Variants in EYA2 observed in about 807,000 individuals in gnomAD.
EYA2 encodes the protein EYA transcriptional coactivator and phosphatase 2.
In EYA2, 31 loss-of-function variants were observed where a neutral mutation model predicts 69.2. The observed-to-expected ratio is 0.45, with a 90% CI of 0.34 to 0.60. The LOEUF (loss-of-function observed/expected upper bound fraction) is 0.60, where lower values mean the gene tolerates loss of function less well. EYA2 is among the 20% of genes least tolerant of loss of function. The pLI is 0.02. For missense variants in EYA2, 622 were observed against 701.2 expected (o/e 0.89, Z 1.28); for synonymous variants, 257 against 279.4 (o/e 0.92, Z 0.80).
rs573894684 is a variant in EYA2 at position 47,019,194 on chromosome 20, C to T, written c.415+2897C>T. Among the ~76,000 whole-genome samples the T allele has an allele frequency of 4.6e-5, 7 of 152,302 alleles. No individual in the cohort carries two copies. The South Asian group carries it at 1.5e-3, about 32-fold the overall frequency. The stretch of plus-strand genomic sequence containing the variant: ...GGTGAGCCTAGGGCCCCACCCCCCA[C>T]CTCAATCCCCACCAGCCAACGTCTC... On this transcript the variant is annotated intron_variant, in intron 5 of 15. Transcript: ENST00000327619.
chr20:46,936,363 C>T lies in EYA2; in HGVS notation c.-11+41376C>T, dbSNP rs146729280. On this transcript the variant is annotated intron_variant, in intron 1 of 15. Coordinates refer to ENST00000327619, the MANE Select transcript of EYA2 (RefSeq NM_005244.5). ...GCACACGCTTGTAGTCCCAGCTACT[C>T]GGAAGGCTGACGCAGGAAAATCGCT... Among the ~76,000 whole-genome samples the T allele has an allele frequency of 3.0e-3, 463 of 152,240 alleles. 3 individuals are homozygous for T. Among genetic ancestry groups the T allele is most frequent in the African/African-American group, 0.011 (444 of 41,530 alleles).
intron 1 of EYA2, among the ~76,000 whole-genome samples, chr20:46,974,542 T>C (rs1003832605): frequency 2.0e-5 from 3 of 152,118 alleles, no homozygotes; most frequent in Non-Finnish European, 1.5e-5. Flanking sequence ...GAGGATTCTC[T>C]TTCCTCCCTG....
At chr20:47,002,510 T>C (rs1182039831) in intron 3 of EYA2, among the ~76,000 whole-genome samples, 4 of 152,234 alleles carry the variant, frequency 2.6e-5, no homozygotes, top group Non-Finnish European at 5.9e-5. Context: ...TCCAGCTTCA[T>C]CTGTATCCCT....
At chr20:47,135,893 G>C (rs114085763) in intron 9 of EYA2, among the ~76,000 whole-genome samples, 2,158 of 149,970 alleles carry the variant, frequency 0.014, 56 homozygotes, top group African/African-American at 0.051. Flanking sequence ...AGGTATGGTG[G>C]TGCAAGCCTA....
At chr20:47,169,111 C>G in intron 10 of EYA2, 28 bp from the exon 11 acceptor site, 1 of 1,608,136 alleles carries the variant, frequency 6.2e-7, no homozygotes, top group South Asian at 1.1e-5. Context: ...TTCTCTCTCT[C>G]TCTCTCTCTC....
At chr20:47,060,840 GCTCT>G (rs1044105821) in intron 5 of EYA2, among the ~76,000 whole-genome samples, 1 of 143,330 alleles carries the variant, frequency 7.0e-6, no homozygotes, top group Non-Finnish European at 1.5e-5. Flanking sequence ...TTCATCAATC[GCTCT>G]CTCTCTCTTT....
intron 5 of EYA2, among the ~76,000 whole-genome samples, chr20:47,063,035 A>G (rs2030954934): frequency 6.6e-6 from 1 of 152,080 alleles, no homozygotes; most frequent in Non-Finnish European, 1.5e-5. Flanking sequence ...AGGTAGTGGG[A>G]GCAGTTTTGT....
In EYA2 at chr20:46,980,491, AATAG is replaced by A. The variant is rs1041323322; in HGVS notation, c.-10-9507_-10-9504del. ...TTAGTTTTGTTTTTTATTGATACAT[AATAG>A]ATGGACATATTTTCAGGGTGCATGT... On this transcript the variant is annotated intron_variant, in intron 1 of 15. Coordinates refer to ENST00000327619, the MANE Select transcript of EYA2 (RefSeq NM_005244.5). 4.5e-4 allele frequency among the ~76,000 whole-genome samples: 68 copies of A among 152,344 alleles called. 1 individual carries two copies. Among genetic ancestry groups the A allele is most frequent in the African/African-American group, 1.5e-3 (64 of 41,578 alleles).
At chr20:46,958,222 C>T (rs1258489971) in intron 1 of EYA2, among the ~76,000 whole-genome samples, 1 of 152,196 alleles carries the variant, frequency 6.6e-6, no homozygotes, top group African/African-American at 2.4e-5. Context: ...CCTCCTGCCA[C>T]GCTGCTGCCT....
At chr20:47,123,939 C>T (rs1300535379) in intron 9 of EYA2, among the ~76,000 whole-genome samples, 6 of 151,376 alleles carry the variant, frequency 4.0e-5, no homozygotes, top group Admixed American at 4.0e-4. Context: ...TTGCAGTGTG[C>T]CAAGTGCACT....
chr20:46,918,795 C>T (rs757410872), intron 1 of EYA2, among the ~76,000 whole-genome samples: 4 of 152,200 alleles, frequency 2.6e-5, no homozygotes, highest in Admixed American at 1.3e-4. Context: ...TTTCAATTTA[C>T]TTTGCCCAAA....
chr20:47,154,950 A>G (rs547438105), intron 10 of EYA2, among the ~76,000 whole-genome samples: 1 of 150,940 alleles, frequency 6.6e-6, no homozygotes, highest in African/African-American at 2.4e-5. Context: ...GGTTCAAGCA[A>G]TTCTCATGCC....
At chr20:47,073,744 TG>T (rs1306512482) in intron 6 of EYA2, among the ~76,000 whole-genome samples, 1 of 152,012 alleles carries the variant, frequency 6.6e-6, no homozygotes, top group African/African-American at 2.4e-5. Flanking sequence ...AGGAAGTGCC[TG>T]GGAATTAAAG....
At chr20:47,128,885 G>T (rs529693700) in intron 9 of EYA2, among the ~76,000 whole-genome samples, 33 of 152,348 alleles carry the variant, frequency 2.2e-4, no homozygotes, top group Middle Eastern at 3.4e-3. Flanking sequence ...CATTTTGGGA[G>T]GCCGAGGTGG....
chr20:47,109,329 C>T (rs2032683614), intron 9 of EYA2, among the ~76,000 whole-genome samples: 1 of 152,212 alleles, frequency 6.6e-6, no homozygotes, highest in Admixed American at 6.5e-5. Flanking sequence ...TTTGTCCACA[C>T]AAGGCCCCTT....
intron 1 of EYA2, among the ~76,000 whole-genome samples, chr20:46,951,183 A>G (rs1164532289): frequency 6.6e-6 from 1 of 152,122 alleles, no homozygotes; most frequent in African/African-American, 2.4e-5. Context: ...GCTTGTAAGG[A>G]TTCTGGCAAG....
At chr20:47,116,613 G>C (rs1254112658) in intron 9 of EYA2, among the ~76,000 whole-genome samples, 1 of 152,204 alleles carries the variant, frequency 6.6e-6, no homozygotes, top group African/African-American at 2.4e-5. Context: ...GTGACCCTCT[G>C]CAGTGCGTTG....
At chr20:47,124,716 C>A (rs2033135060) in intron 9 of EYA2, among the ~76,000 whole-genome samples, 1 of 152,150 alleles carries the variant, frequency 6.6e-6, no homozygotes, top group South Asian at 2.1e-4. Context: ...CCCAGGAAAC[C>A]CCTCAATCCC....
chr20:47,162,955 G>A (rs1401726444), intron 10 of EYA2, among the ~76,000 whole-genome samples: 1 of 151,658 alleles, frequency 6.6e-6, no homozygotes, highest in African/African-American at 2.4e-5. Flanking sequence ...TTCCAGTTAT[G>A]TACAATATAT....
Sources: gnomAD v4.1 joint callset for allele counts (sites outside exome capture counted in the v4.1 genomes callset) on GRCh38, gnomAD v4.1.1 for gene constraint, MANE v1.5 for transcripts, NCBI Gene and HGNC (gene_info 2026-07-23, HGNC 2026-07-21) for gene names.